Variants in KLF17 observed in about 807,000 individuals in gnomAD.
The protein encoded by KLF17 is Krueppel-like factor 17.
In KLF17, 31 loss-of-function variants were observed where a neutral mutation model predicts 34.2. The ratio of observed to expected loss-of-function variants is 0.91; its 90% CI spans 0.68 to 1.22. The LOEUF is 1.22. KLF17 is among the 50% of genes most tolerant of loss of function. The pLI, the probability that KLF17 is intolerant of heterozygous loss-of-function variation, is 0.00. For missense variants in KLF17, 478 were observed against 505.2 expected (o/e 0.95, Z 0.52); for synonymous variants, 179 against 186.7 (o/e 0.96, Z 0.34).
At chr1:44,052,371 C>G in the KLF17 span, among the ~76,000 whole-genome samples, 1 of 152,222 alleles carries the variant, frequency 6.6e-6, no homozygotes, top group Non-Finnish European at 1.5e-5. Flanking sequence ...TCCCAGGCCC[C>G]TGATGGACAG....
chr1:44,090,844 C>A, the KLF17 span, among the ~76,000 whole-genome samples: 1 of 151,896 alleles, frequency 6.6e-6, no homozygotes, highest in African/African-American at 2.4e-5. Context: ...AAAAAAGAAT[C>A]AAAAGAGGAA....
At chr1:44,101,886 C>CA in the KLF17 span, among the ~76,000 whole-genome samples, 6 of 151,600 alleles carry the variant, frequency 4.0e-5, no homozygotes, top group East Asian at 2.0e-4. Context: ...AACAAACAAA[C>CA]AAACAAAACC....
chr1:44,091,906 T>C, the KLF17 span, among the ~76,000 whole-genome samples: 1 of 123,014 alleles, frequency 8.1e-6, no homozygotes, highest in Non-Finnish European at 1.7e-5. Context: ...AGAGAAAAAC[T>C]CTGTCTCAAA....
the KLF17 span, among the ~76,000 whole-genome samples, chr1:44,073,144 A>G: frequency 2.0e-5 from 3 of 152,008 alleles, no homozygotes; most frequent in Admixed American, 6.6e-5. Context: ...GTAAAAAGGT[A>G]CAGTAAGATG....
At chr1:44,071,798 T>C in the KLF17 span, among the ~76,000 whole-genome samples, 215 of 152,202 alleles carry the variant, frequency 1.4e-3, 1 homozygote, top group African/African-American at 4.9e-3. Flanking sequence ...GCTCCTAGGG[T>C]GGCATTCCAG....
At chr1:44,055,394 T>C in the KLF17 span, among the ~76,000 whole-genome samples, 1 of 152,128 alleles carries the variant, frequency 6.6e-6, no homozygotes, top group East Asian at 1.9e-4. Flanking sequence ...AATTAGGAGA[T>C]TTATCCACCC....
At chr1:44,112,279 T>C in the KLF17 span, among the ~76,000 whole-genome samples, 1 of 152,234 alleles carries the variant, frequency 6.6e-6, no homozygotes, top group Admixed American at 6.5e-5. Flanking sequence ...AGTCTAAGCC[T>C]GTACCTTCAA....
the KLF17 span, among the ~76,000 whole-genome samples, chr1:44,052,849 A>G: frequency 6.6e-6 from 1 of 152,264 alleles, no homozygotes; most frequent in East Asian, 1.9e-4. Context: ...TTCTGTTGCA[A>G]CAATGTTTAG....
the KLF17 span, among the ~76,000 whole-genome samples, chr1:44,099,844 A>G: frequency 1.9e-5 from 1 of 51,704 alleles, no homozygotes; most frequent in African/African-American, 9.8e-5. Flanking sequence ...AAAGAAAGAA[A>G]GAAAGAAAGA....
At chr1:44,084,262 T>C in the KLF17 span, among the ~76,000 whole-genome samples, 450 of 152,312 alleles carry the variant, frequency 3.0e-3, 4 homozygotes, top group African/African-American at 0.01. Context: ...GTGGGTGGTG[T>C]GAGCAGTGAT....
the KLF17 span, among the ~76,000 whole-genome samples, chr1:44,109,856 T>C: frequency 1.3e-5 from 2 of 151,164 alleles, no homozygotes; most frequent in Middle Eastern, 3.4e-3. Flanking sequence ...AAAGAATATA[T>C]AATATGACCC....
At chr1:44,049,584 G>T in the KLF17 span, among the ~76,000 whole-genome samples, 2 of 152,244 alleles carry the variant, frequency 1.3e-5, no homozygotes, top group Non-Finnish European at 2.9e-5. Flanking sequence ...CCAGGGTCAA[G>T]CAATCCTCTG....
the KLF17 span, chr1:44,087,960 A>G: frequency 1.9e-5 from 4 of 212,038 alleles, no homozygotes; most frequent in African/African-American, 9.3e-5. Flanking sequence ...GGAGCTTCAC[A>G]TGATGAAGAG....
intron 3 of KLF17, among the ~76,000 whole-genome samples, chr1:44,131,402 A>G (rs1362178180): frequency 6.6e-6 from 1 of 152,162 alleles, no homozygotes; most frequent in Non-Finnish European, 1.5e-5. Context: ...TTGCTACATA[A>G]AATCCAGTTT....
At chr1:44,116,413 G>T (rs748352264), upstream of KLF17, among the ~76,000 whole-genome samples, 1 of 152,168 alleles carries the variant, frequency 6.6e-6, no homozygotes. Context: ...CCATGACTTT[G>T]CTCTTATAAT....
chr1:44,046,438 T>C, the KLF17 span, among the ~76,000 whole-genome samples: 6 of 151,824 alleles, frequency 4.0e-5, no homozygotes, highest in African/African-American at 1.5e-4. Context: ...CCTAGGCTAG[T>C]CGTGAACTCC....
intron 1 of KLF17, chr1:44,122,166 C>A (rs1355299250): frequency 2.3e-5 from 37 of 1,579,390 alleles, no homozygotes; most frequent in Non-Finnish European, 3.1e-5. Context: ...TCGCCTAGGA[C>A]CCCCTCTTCC....
At chr1:44,099,869 GAAAGA>G in the KLF17 span, among the ~76,000 whole-genome samples, 10 of 51,464 alleles carry the variant, frequency 1.9e-4, 1 homozygote, top group African/African-American at 4.8e-4. Flanking sequence ...AAGAAAGAAA[GAAAGA>G]AAGAAAGAAA....
the KLF17 span, among the ~76,000 whole-genome samples, chr1:44,084,392 T>A: frequency 2.0e-5 from 3 of 151,936 alleles, no homozygotes; most frequent in African/African-American, 7.3e-5. Context: ...TCTTAAAAAG[T>A]TTTTGCCAGG....
Sources: allele counts gnomAD v4.1 joint callset (sites outside exome capture counted in the v4.1 genomes callset), GRCh38; gene constraint gnomAD v4.1.1; transcripts MANE v1.5; gene names NCBI Gene and HGNC (gene_info 2026-07-23, HGNC 2026-07-21).